The following DLG2 variants were observed in gnomAD, a reference collection of about 807,000 sequenced individuals.
DLG2 encodes the protein discs large MAGUK scaffold protein 2, also known as disks large homolog 2.
Under a neutral mutation model 132.5 loss-of-function variants are expected in DLG2, and 45 were observed. That is an observed-to-expected ratio of 0.34 (90% confidence interval 0.27 to 0.44). DLG2 has a LOEUF of 0.44. Ranked by LOEUF, DLG2 falls within the 20% of genes least tolerant of loss-of-function variation. The probability of loss-of-function intolerance (pLI) is 1.00; values close to 1 mark genes in which losing one functional copy is unlikely to be tolerated. For synonymous variants in DLG2, 424 were observed against 419.6 expected (o/e 1.01, Z -0.13); for missense variants, 1,045 against 1,196.9 (o/e 0.87, Z 1.87).
intron 11 of DLG2, among the ~76,000 whole-genome samples, chr11:83,999,863 A>G (rs1287195988): frequency 6.6e-6 from 1 of 152,174 alleles, no homozygotes; most frequent in Admixed American, 6.5e-5. Flanking sequence ...ATCTTCAGGA[A>G]AAAAGTAATC....
intron 7 of DLG2, among the ~76,000 whole-genome samples, chr11:84,410,944 T>C (rs1367605902): frequency 3.3e-5 from 5 of 152,344 alleles, no homozygotes; most frequent in East Asian, 1.9e-4. Context: ...TGTTACTTAT[T>C]GTCTTTTATG....
chr11:84,700,594 A>C (rs2059120421), intron 6 of DLG2, among the ~76,000 whole-genome samples: 1 of 151,648 alleles, frequency 6.6e-6, no homozygotes, highest in South Asian at 2.1e-4. Context: ...AAAAAGTCAC[A>C]TTATTCCTTC....
At chr11:85,375,787 C>A (rs2085356179) in intron 3 of DLG2, among the ~76,000 whole-genome samples, 1 of 152,100 alleles carries the variant, frequency 6.6e-6, no homozygotes, top group South Asian at 2.1e-4. Context: ...TCTTGTAAAG[C>A]AAGAGACCAT....
At position 85,377,803 on chromosome 11, in the gene DLG2, A is replaced by ATATATATATATATATATATATG. The variant is rs35141583; in HGVS notation, c.41-92439_41-92438insCATATATATATATATATATATA. Among the ~76,000 whole-genome samples the ATATATATATATATATATATATG allele has an allele frequency of 4.3e-3, 561 of 131,198 alleles. 2 individuals are homozygous for ATATATATATATATATATATATG. The highest frequency in any genetic ancestry group is 7.0e-3 in the Non-Finnish European group (433 of 61,706). The allele number at this position is 131,198 out of a possible 152,430, so 86.1% of individuals were successfully genotyped here. ...TGTATACATATATATATATATATAT[A>ATATATATATATATATATATATG]TGTGTGTGTGTGTGTGTGTGTATAC... On this transcript the variant is annotated intron_variant, in intron 3 of 27. Transcript: ENST00000376104.
At chr11:84,430,455 G>GAA (rs11397729) in intron 7 of DLG2, among the ~76,000 whole-genome samples, 25,823 of 142,520 alleles carry the variant, frequency 0.18, 2,668 homozygotes, top group African/African-American at 0.28. Flanking sequence ...AAAAAGAAAA[G>GAA]AAAAAAAAAA....
At chr11:83,930,522 G>A in intron 14 of DLG2, 39 bp from the exon 15 acceptor site, 2 of 1,595,240 alleles carry the variant, frequency 1.3e-6, no homozygotes, top group Non-Finnish European at 1.7e-6. Context: ...TGCATGGTTA[G>A]TACATACAAG....
intron 7 of DLG2, among the ~76,000 whole-genome samples, chr11:84,490,973 T>C (rs1273140606): frequency 3.3e-5 from 5 of 151,948 alleles, no homozygotes; most frequent in African/African-American, 1.2e-4. Flanking sequence ...ATATGGGATA[T>C]TGTGAAATTG....
At chr11:85,420,110 G>C (rs981414254) in intron 3 of DLG2, among the ~76,000 whole-genome samples, 1 of 152,190 alleles carries the variant, frequency 6.6e-6, no homozygotes, top group African/African-American at 2.4e-5. Flanking sequence ...TTTGGATGGG[G>C]TTTTCATGTG....
chr11:84,620,418 AAG>A (rs1034245745), intron 6 of DLG2, among the ~76,000 whole-genome samples: 2 of 151,978 alleles, frequency 1.3e-5, no homozygotes, highest in Non-Finnish European at 2.9e-5. Context: ...ACTATAAAGA[AAG>A]AATAATTTTG....
At chr11:85,545,301 C>T (rs1192292311) in intron 3 of DLG2, among the ~76,000 whole-genome samples, 1 of 152,174 alleles carries the variant, frequency 6.6e-6, no homozygotes, top group Non-Finnish European at 1.5e-5. Context: ...TATTGATTTG[C>T]ATATGTTGAA....
intron 6 of DLG2, among the ~76,000 whole-genome samples, chr11:84,938,470 G>A (rs1433034179): frequency 1.3e-5 from 2 of 152,056 alleles, no homozygotes; most frequent in African/African-American, 4.8e-5. Context: ...ATCACTAGCT[G>A]CCACTAAAAA....
At chr11:84,722,181 C>A (rs1243942083) in intron 6 of DLG2, among the ~76,000 whole-genome samples, 1 of 152,194 alleles carries the variant, frequency 6.6e-6, no homozygotes, top group Non-Finnish European at 1.5e-5. Context: ...AGGACTGTCA[C>A]ATTTACATGA....
At chr11:83,944,898 C>T (rs746167864) in intron 14 of DLG2, among the ~76,000 whole-genome samples, 38 of 152,168 alleles carry the variant, frequency 2.5e-4, no homozygotes, top group Non-Finnish European at 3.7e-4. Flanking sequence ...CCATTATCTT[C>T]CCTTTTGTCT....
chr11:83,642,835 T>C (rs1435492701), intron 18 of DLG2, among the ~76,000 whole-genome samples: 1 of 152,140 alleles, frequency 6.6e-6, no homozygotes, highest in Non-Finnish European at 1.5e-5. Flanking sequence ...AGATACTCAA[T>C]TTAGAGAATA....
chr11:85,578,572 G>A (rs1273351438), intron 3 of DLG2, among the ~76,000 whole-genome samples: 1 of 152,040 alleles, frequency 6.6e-6, no homozygotes, highest in African/African-American at 2.4e-5. Context: ...GTGGGCAAAG[G>A]ACATGAACAG....
At chr11:84,849,860 C>T (rs1178053884) in intron 6 of DLG2, among the ~76,000 whole-genome samples, 4 of 152,076 alleles carry the variant, frequency 2.6e-5, no homozygotes, top group Non-Finnish European at 5.9e-5. Flanking sequence ...ACTTCTACAC[C>T]TAGACAGGTT....
At chr11:83,763,219 G>A (rs552995787) in intron 18 of DLG2, among the ~76,000 whole-genome samples, 92 of 152,166 alleles carry the variant, frequency 6.0e-4, no homozygotes, top group Non-Finnish European at 1.1e-3. Flanking sequence ...GTGCAGGCTT[G>A]TTATATAGGT....
At chr11:85,360,497 A>G (rs80170310) in intron 3 of DLG2, among the ~76,000 whole-genome samples, 5,536 of 152,238 alleles carry the variant, frequency 0.036, 149 homozygotes, top group Admixed American at 0.05. Flanking sequence ...TTCTTCTACA[A>G]CCCAGTTCAT....
At chr11:83,642,745 A>C (rs2066942707) in intron 18 of DLG2, among the ~76,000 whole-genome samples, 1 of 152,120 alleles carries the variant, frequency 6.6e-6, no homozygotes, top group South Asian at 2.1e-4. Flanking sequence ...ATGTATTATT[A>C]TTTTTTAAGG....
Sources: allele counts gnomAD v4.1 joint callset (sites outside exome capture counted in the v4.1 genomes callset), GRCh38; gene constraint gnomAD v4.1.1; transcripts MANE v1.5; gene names NCBI Gene and HGNC (gene_info 2026-07-23, HGNC 2026-07-21).